The following TSG101 variants were observed in gnomAD, a reference collection of about 807,000 sequenced individuals.
The protein encoded by TSG101 is tumor susceptibility gene 101 protein.
In TSG101, 19 loss-of-function variants were observed where a neutral mutation model predicts 48.5. The observed-to-expected ratio is 0.39, with a 90% CI of 0.27 to 0.58. TSG101 has a LOEUF of 0.58. TSG101 is among the 20% of genes least tolerant of loss of function. TSG101 has a pLI of 0.55. For synonymous variants in TSG101, 174 were observed against 169.4 expected, an observed-to-expected ratio of 1.03 and a Z score of -0.21; for missense variants, 365 against 484.4, an observed-to-expected ratio of 0.75 and a Z score of 2.31.
At chr11:18,523,452 C>A (rs1037569143) in intron 1 of TSG101, among the ~76,000 whole-genome samples, 7 of 152,048 alleles carry the variant, frequency 4.6e-5, no homozygotes, top group Non-Finnish European at 1.0e-4. Flanking sequence ...CTGTTGCATC[C>A]CTAGAACCTA....
chr11:18,480,684 C>A (rs1451775056), intron 9 of TSG101, 49 bp from the exon 10 acceptor site: 1 of 1,550,078 alleles, frequency 6.5e-7, no homozygotes. Flanking sequence ...TTGATTTAGG[C>A]CCAGGCATAA....
intron 3 of TSG101, 25 bp downstream of exon 3, chr11:18,516,074 G>A (rs780419931): frequency 6.2e-7 from 1 of 1,603,620 alleles, no homozygotes; most frequent in East Asian, 2.2e-5. Flanking sequence ...ATGCATCTAT[G>A]CTGGAAACCT....
intron 6 of TSG101, among the ~76,000 whole-genome samples, chr11:18,505,887 G>A (rs1033251503): frequency 2.0e-5 from 3 of 151,938 alleles, no homozygotes; most frequent in East Asian, 1.9e-4. Flanking sequence ...GCGCGATCTC[G>A]GCTCACTGCA....
At chr11:18,526,145 A>C (rs1214394044) in intron 1 of TSG101, among the ~76,000 whole-genome samples, 1 of 152,172 alleles carries the variant, frequency 6.6e-6, no homozygotes, top group Non-Finnish European at 1.5e-5. Flanking sequence ...TTGAAAAAAA[A>C]AACACTAGTC....
At position 18,514,848 on chromosome 11, in the gene TSG101, AAGAAAT is replaced by A. The variant is rs766096868; in HGVS notation, c.194-13_194-8del. On this transcript the variant is annotated splice_region_variant and splice_polypyrimidine_tract_variant and intron_variant, in intron 3 of 9. Transcript: ENST00000251968. ...GGAATATTGTATGTATTACCTGAAA[AAGAAAT>A]AGAAACTTCAGTTACTCTATTTTTA... 5 of 1,530,230 alleles carry A rather than the reference AAGAAAT, an allele frequency of 3.3e-6. No individual in the cohort carries two copies. The highest frequency in any genetic ancestry group is 2.9e-5 in the African/African-American group (2 of 69,134). 94.8% of individuals were successfully genotyped at this position (1,530,230 alleles called of 1,614,324 possible).
chr11:18,500,784 T>C (rs1213639173), intron 7 of TSG101, among the ~76,000 whole-genome samples: 1 of 151,794 alleles, frequency 6.6e-6, no homozygotes, highest in Non-Finnish European at 1.5e-5. Flanking sequence ...TTTACTTTGT[T>C]GACTATCTCC....
At chr11:18,507,984 CTTG>C (rs1294749359) in intron 5 of TSG101, 2 of 151,676 alleles carry the variant, frequency 1.3e-5, no homozygotes, top group Non-Finnish European at 2.9e-5. Context: ...ATCCCAGCGA[CTTG>C]GGAGGCTGAG....
intron 6 of TSG101, 121 bp from the exon 7 acceptor site, chr11:18,502,698 A>C (rs576795806): frequency 1.5e-6 from 1 of 679,736 alleles, no homozygotes; most frequent in Admixed American, 2.8e-5. Context: ...ATGAATTTAT[A>C]GTCTTGGAGC....
At chr11:18,523,044 G>A (rs1850304693) in intron 1 of TSG101, among the ~76,000 whole-genome samples, 1 of 151,926 alleles carries the variant, frequency 6.6e-6, no homozygotes, top group Non-Finnish European at 1.5e-5. Context: ...TATGCACCAC[G>A]CCTGGCTAAT....
intron 7 of TSG101, among the ~76,000 whole-genome samples, chr11:18,489,113 C>CA (rs201368614): frequency 0.051 from 6,376 of 125,218 alleles, 284 homozygotes; most frequent in East Asian, 0.22. Flanking sequence ...GACTCCATCT[C>CA]AAAAAAAAAA....
intron 4 of TSG101, among the ~76,000 whole-genome samples, chr11:18,510,012 A>C (rs1257766160): frequency 1.7e-4 from 26 of 152,198 alleles, no homozygotes; most frequent in Non-Finnish European, 2.9e-5. Flanking sequence ...TTTAGGGATG[A>C]ATATGAGCAA....
chr11:18,481,612 C>T lies in TSG101; in HGVS notation c.1083+18G>A, dbSNP rs2279900. 294,750 of 1,601,702 alleles carry T rather than the reference C, an allele frequency of 0.18. 31,327 individuals carry two copies. The highest frequency in any genetic ancestry group is 0.44 in the East Asian group (19,872 of 44,686). On this transcript the variant is annotated intron_variant, in intron 9 of 9. Coordinates refer to ENST00000251968, the MANE Select transcript of TSG101 (RefSeq NM_006292.4). The stretch of plus-strand genomic sequence containing the variant: ...CAACCCAAGTTAAAAAATCTTGGAA[C>T]GTAAAATGAAGAAATACCTTCAGGA...
chr11:18,502,627 T>C lies in TSG101; in HGVS notation c.549-50A>G, dbSNP rs762059198. 101 of 1,445,182 alleles carry C rather than the reference T, an allele frequency of 7.0e-5. No homozygotes were observed. In the Admixed American group the frequency reaches 1.5e-3, roughly 22 times the overall value. The allele number at this position is 1,445,182 out of a possible 1,614,324, so 89.5% of individuals were successfully genotyped here. A position where few individuals can be genotyped will look rare whatever the true frequency, so the allele number is the denominator to read the frequency against. On this transcript the variant is annotated intron_variant, in intron 6 of 9. Coordinates refer to ENST00000251968, the MANE Select transcript of TSG101 (RefSeq NM_006292.4). ...TAACATTTAAGATGACCCAACCTTA[T>C]AGTATTTTGAAGAACCCCATTCAGG...
chr11:18,502,500 G>A lies in TSG101; in HGVS notation c.626C>T (p.Pro209Leu). 6.2e-7 allele frequency: 1 copy of A among 1,613,150 alleles called. No individual in the cohort carries two copies. The highest frequency in any genetic ancestry group is 8.5e-7 in the Non-Finnish European group (1 of 1,179,520). The change falls in exon 7 of 10, where the codon CCT (proline) becomes CTT (leucine). Residue 209 changes from proline to leucine, a missense_variant. Physicochemically the swap from Pro to Leu is moderately conservative, Grantham distance 98 (BLOSUM62 -3). Coordinates refer to ENST00000251968, the MANE Select transcript of TSG101 (RefSeq NM_006292.4). ...TTSSQYPSQP[P>L]VTTVGPSRDG... The stretch of plus-strand genomic sequence containing the variant: ...AGGGTACTTACCAACAGTGGTCACA[G>A]GAGGCTGAGAAGGGTACTGAGAACT...
At chr11:18,488,941 C>G (rs940598791) in intron 7 of TSG101, among the ~76,000 whole-genome samples, 1 of 151,932 alleles carries the variant, frequency 6.6e-6, no homozygotes, top group African/African-American at 2.4e-5. Flanking sequence ...ATGGTGAAAA[C>G]CCATCTCTAC....
At position 18,481,848 on chromosome 11, in the gene TSG101, CTA is replaced by C. The variant is rs1490230360; in HGVS notation, c.863_864del (p.Ile288ArgfsTer8). Reference sequence around the variant, plus strand: ...TCTTCATCCTTCTTTTTCAAAAGTTCTATGTTTTTATCAACCTCGGCCTGAAA... The same window carrying C: ...TCTTCATCCTTCTTTTTCAAAAGTTCTGTTTTTATCAACCTCGGCCTGAAA... ...DQEVAEVDKN[I>X]ELLKKKDEEL... is the part of the protein sequence containing the mutation. On this transcript the variant is annotated frameshift_variant, in exon 9 of 10. Coordinates refer to ENST00000251968, the MANE Select transcript of TSG101 (RefSeq NM_006292.4). LOFTEE classifies it high-confidence loss of function. 7 of 1,613,286 alleles carry C rather than the reference CTA, an allele frequency of 4.3e-6. No individual in the cohort carries two copies. Among genetic ancestry groups the C allele is most frequent in the Non-Finnish European group, 5.9e-6 (7 of 1,179,990 alleles).
chr11:18,511,393 T>C (rs1850079176), intron 4 of TSG101: 1 of 152,234 alleles, frequency 6.6e-6, no homozygotes, highest in Non-Finnish European at 1.5e-5. Context: ...ATTAATAACA[T>C]TTCTCAAAGC....
At chr11:18,512,525 G>A (rs946161295) in intron 4 of TSG101, among the ~76,000 whole-genome samples, 3 of 152,102 alleles carry the variant, frequency 2.0e-5, no homozygotes, top group Non-Finnish European at 2.9e-5. Flanking sequence ...GGGTGGAGTG[G>A]AGGGATGTCC....
intron 9 of TSG101, 52 bp from the exon 10 acceptor site, chr11:18,480,687 A>G (rs1849518163): frequency 2.6e-6 from 4 of 1,537,772 alleles, no homozygotes; most frequent in Non-Finnish European, 3.6e-6. Context: ...ATTTAGGCCC[A>G]GGCATAAAAT....
Sources: gnomAD v4.1 joint callset for allele counts (sites outside exome capture counted in the v4.1 genomes callset) on GRCh38, gnomAD v4.1.1 for gene constraint, MANE v1.5 for transcripts, NCBI Gene and HGNC (gene_info 2026-07-23, HGNC 2026-07-21) for gene names.